The following SRPK2 variants were observed in gnomAD, a reference collection of about 807,000 sequenced individuals.
SRPK2 encodes the protein SRSF protein kinase 2, also known as SFRS protein kinase 2.
SRPK2 carries 21 observed loss-of-function variants against 90.8 expected under a neutral mutation model. The observed-to-expected ratio is 0.23, with a 90% CI of 0.16 to 0.33. The LOEUF is 0.33. Among genes scored for constraint, SRPK2 ranks in the 10% least tolerant of loss-of-function variants. SRPK2 has a pLI of 1.00. For missense variants in SRPK2, 620 were observed against 869.0 expected, an observed-to-expected ratio of 0.71 and a Z score of 3.60; for synonymous variants, 288 against 311.1, an observed-to-expected ratio of 0.93 and a Z score of 0.78.
At chr7:105,242,184 C>CA (rs1216612383) in intron 2 of SRPK2, among the ~76,000 whole-genome samples, 1 of 152,142 alleles carries the variant, frequency 6.6e-6, no homozygotes, top group Non-Finnish European at 1.5e-5. Context: ...ATCTAACATA[C>CA]ATCCCCTCTT....
chr7:105,233,149 A>AAGGG (rs1554471110), intron 2 of SRPK2, among the ~76,000 whole-genome samples: 29 of 147,430 alleles, frequency 2.0e-4, no homozygotes, highest in African/African-American at 6.0e-4. Flanking sequence ...GGAAGGAAGG[A>AAGGG]AGGGGAAAGG....
intron 2 of SRPK2, among the ~76,000 whole-genome samples, chr7:105,308,182 T>C (rs1320003552): frequency 2.0e-5 from 3 of 152,168 alleles, no homozygotes; most frequent in African/African-American, 7.2e-5. Context: ...AAGTTTGCAC[T>C]AAGGGGAATT....
intron 2 of SRPK2, among the ~76,000 whole-genome samples, chr7:105,221,660 C>T (rs1305060012): frequency 1.3e-5 from 2 of 152,086 alleles, no homozygotes; most frequent in East Asian, 3.9e-4. Context: ...CTTATATAAC[C>T]CCCTGTCCAC....
At chr7:105,375,828 T>C (rs1820211301) in intron 2 of SRPK2, among the ~76,000 whole-genome samples, 1 of 151,964 alleles carries the variant, frequency 6.6e-6, no homozygotes, top group Admixed American at 6.6e-5. Context: ...CAGAACGGTA[T>C]GGAGAAGCTC....
chr7:105,298,762 C>A (rs11767575), intron 2 of SRPK2: 3 of 985,476 alleles, frequency 3.0e-6, no homozygotes, highest in Non-Finnish European at 3.6e-6. Flanking sequence ...ACAGCAGAGG[C>A]ACAGGGCCCA....
At chr7:105,298,362 GT>G (rs1810117046) in intron 2 of SRPK2, among the ~76,000 whole-genome samples, 1 of 152,170 alleles carries the variant, frequency 6.6e-6, no homozygotes, top group African/African-American at 2.4e-5. Context: ...ATGTATCAGA[GT>G]TTGTTTATCC....
intron 3 of SRPK2, among the ~76,000 whole-genome samples, chr7:105,196,703 G>C (rs1794957886): frequency 6.6e-6 from 1 of 152,136 alleles, no homozygotes; most frequent in Admixed American, 6.5e-5. Context: ...TCTTTTTACT[G>C]TACAAATATC....
intron 1 of SRPK2, among the ~76,000 whole-genome samples, chr7:105,395,680 A>G (rs1471628717): frequency 6.6e-6 from 1 of 152,194 alleles, no homozygotes; most frequent in Non-Finnish European, 1.5e-5. Flanking sequence ...CAGTGAGCCG[A>G]GATTGCACCA....
At chr7:105,227,196 T>G (rs539636004) in intron 2 of SRPK2, among the ~76,000 whole-genome samples, 2 of 152,230 alleles carry the variant, frequency 1.3e-5, no homozygotes, top group Admixed American at 1.3e-4. Flanking sequence ...TTTAAAAAAC[T>G]TTTTCCATAA....
intron 2 of SRPK2, among the ~76,000 whole-genome samples, chr7:105,209,055 C>T (rs988691985): frequency 2.0e-5 from 3 of 152,266 alleles, no homozygotes; most frequent in East Asian, 1.9e-4. Context: ...AAATGTATGA[C>T]TTCAAGAAAC....
At chr7:105,248,410 G>C (rs958013520) in intron 2 of SRPK2, among the ~76,000 whole-genome samples, 1 of 144,764 alleles carries the variant, frequency 6.9e-6, no homozygotes, top group African/African-American at 2.6e-5. Context: ...GAGCAACACA[G>C]CGAGATGCCA....
intron 2 of SRPK2, among the ~76,000 whole-genome samples, chr7:105,276,269 G>C (rs73186041): frequency 0.43 from 65,552 of 151,220 alleles, 15,566 homozygotes; most frequent in South Asian, 0.54. Flanking sequence ...GGTAGAGACA[G>C]GGTCTCGCTA....
At position 105,134,495 on chromosome 7, in the gene SRPK2, C is replaced by T. The variant is rs527948078; in HGVS notation, c.1544-1391G>A. Among the ~76,000 whole-genome samples the T allele has an allele frequency of 3.7e-4, 57 of 152,334 alleles. 1 individual carries two copies. The highest frequency in any genetic ancestry group is 3.4e-3 in the Middle Eastern group (1 of 294). On this transcript the variant is annotated intron_variant, in intron 11 of 15. Coordinates refer to ENST00000393651, the MANE Select transcript of SRPK2 (RefSeq NM_182692.3). ...GTTTTCTTTATAAACTACCGGGTTT[C>T]CGGTATTTTTTACAGCAATGTGAGA...
chr7:105,329,919 C>CA lies in SRPK2; in HGVS notation c.71+58728dup, dbSNP rs1458766824. Among the ~76,000 whole-genome samples the CA allele has an allele frequency of 3.9e-5, 6 of 152,056 alleles. No homozygotes were observed. In the South Asian group the frequency reaches 8.3e-4, roughly 21 times the overall value. On this transcript the variant is annotated intron_variant, in intron 2 of 15. Transcript: ENST00000393651. Reference sequence around the variant, plus strand: ...GTGTGGCGGCACACACCTCTAATCCCAGCTACTCGGGAGACTGAGGCAGGA... The same window carrying CA: ...GTGTGGCGGCACACACCTCTAATCCCAAGCTACTCGGGAGACTGAGGCAGGA...
intron 2 of SRPK2, among the ~76,000 whole-genome samples, chr7:105,270,349 G>C (rs576914388): frequency 6.6e-6 from 1 of 151,830 alleles, no homozygotes; most frequent in East Asian, 1.9e-4. Flanking sequence ...CCCTCATTTT[G>C]GAAGGAGCAG....
chr7:105,297,328 T>C (rs1239284663), intron 2 of SRPK2: 2 of 307,406 alleles, frequency 6.5e-6, no homozygotes, highest in Admixed American at 6.5e-5. Flanking sequence ...CAGACACAGA[T>C]CTGTGGTCCA....
intron 15 of SRPK2, among the ~76,000 whole-genome samples, chr7:105,125,329 C>A (rs538119097): frequency 6.6e-6 from 1 of 152,188 alleles, no homozygotes; most frequent in Non-Finnish European, 1.5e-5. Context: ...TGTAGGATGT[C>A]ATTTTTAAGA....
At chr7:105,199,072 T>C (rs1419764713) in intron 3 of SRPK2, among the ~76,000 whole-genome samples, 1 of 152,216 alleles carries the variant, frequency 6.6e-6, no homozygotes, top group Non-Finnish European at 1.5e-5. Flanking sequence ...TGGACCCTCT[T>C]ATTAAAACAG....
intron 2 of SRPK2, chr7:105,268,693 G>C (rs953886987): frequency 2.9e-4 from 348 of 1,199,336 alleles, no homozygotes; most frequent in Non-Finnish European, 3.8e-4. Flanking sequence ...CACAATACCA[G>C]CATGCAGGAC....
Sources: gnomAD v4.1 joint callset for allele counts (sites outside exome capture counted in the v4.1 genomes callset) on GRCh38, gnomAD v4.1.1 for gene constraint, MANE v1.5 for transcripts, NCBI Gene and HGNC (gene_info 2026-07-23, HGNC 2026-07-21) for gene names.